FBXL2: variants seen among roughly 807,000 people sequenced by gnomAD.
The protein encoded by FBXL2 is F-box and leucine rich repeat protein 2, also known as F-box/LRR-repeat protein 2.
In FBXL2, 38 loss-of-function variants were observed where a neutral mutation model predicts 69.2. The ratio of observed to expected loss-of-function variants is 0.55; its 90% CI spans 0.42 to 0.72. FBXL2 has a LOEUF of 0.72. FBXL2 is among the 30% of genes least tolerant of loss of function. The probability of loss-of-function intolerance (pLI) is 0.00; values close to 1 mark genes in which losing one functional copy is unlikely to be tolerated. For synonymous variants in FBXL2, 192 were observed against 201.3 expected, an observed-to-expected ratio of 0.95 and a Z score of 0.39; for missense variants, 354 against 520.3, an observed-to-expected ratio of 0.68 and a Z score of 3.11.
chr3:33,396,257 A>G, intron 12 of FBXL2: 1 of 1,586,296 alleles, frequency 6.3e-7, no homozygotes, highest in Non-Finnish European at 8.6e-7. Context: ...GCAGACATAG[A>G]TGGTTAAACG....
chr3:33,397,835 C>T (rs2044067301), intron 12 of FBXL2: 1 of 151,992 alleles, frequency 6.6e-6, no homozygotes, highest in African/African-American at 2.4e-5. Context: ...GTGTTTGACA[C>T]TTTTAAAAAT....
chr3:33,355,968 T>A (rs2041172929), intron 2 of FBXL2, among the ~76,000 whole-genome samples: 1 of 152,202 alleles, frequency 6.6e-6, no homozygotes, highest in Non-Finnish European at 1.5e-5. Flanking sequence ...TCAACTACTT[T>A]CAGTTTAAAA....
the FBXL2 span, chr3:33,412,817 C>T: frequency 1.9e-6 from 3 of 1,612,456 alleles, no homozygotes; most frequent in South Asian, 3.3e-5. Flanking sequence ...GAATACAACC[C>T]TTATGATGCT....
chr3:33,388,231 C>T (rs2043593114), downstream of FBXL2: 1 of 152,338 alleles, frequency 6.6e-6, no homozygotes, highest in Non-Finnish European at 1.5e-5. Flanking sequence ...ATGAGCCTAA[C>T]CTCTTACTAC....
At chr3:33,321,334 G>GA (rs1164890057) in intron 2 of FBXL2, among the ~76,000 whole-genome samples, 7 of 148,122 alleles carry the variant, frequency 4.7e-5, no homozygotes, top group Admixed American at 6.7e-5. Flanking sequence ...AAAGAAAAAA[G>GA]AAAAAAAAGA....
downstream of FBXL2, among the ~76,000 whole-genome samples, chr3:33,406,071 T>C (rs1016320686): frequency 1.3e-5 from 2 of 152,196 alleles, no homozygotes; most frequent in African/African-American, 4.8e-5. Context: ...CATAGCAACT[T>C]TGCTATAAAT....
At chr3:33,375,053 TTTTAC>T (rs1400035632) in intron 9 of FBXL2, among the ~76,000 whole-genome samples, 4 of 152,176 alleles carry the variant, frequency 2.6e-5, no homozygotes, top group African/African-American at 4.8e-5. Flanking sequence ...TATTTAAAAT[TTTTAC>T]TTTATTTTTT....
At chr3:33,317,979 A>T (rs1283362285) in intron 2 of FBXL2, among the ~76,000 whole-genome samples, 1 of 152,090 alleles carries the variant, frequency 6.6e-6, no homozygotes, top group Non-Finnish European at 1.5e-5. Flanking sequence ...GAACCTTAGG[A>T]TTAGTTGATA....
At chr3:33,303,517 A>G (rs2036465215) in intron 2 of FBXL2, among the ~76,000 whole-genome samples, 1 of 152,142 alleles carries the variant, frequency 6.6e-6, no homozygotes, top group African/African-American at 2.4e-5. Context: ...ATGAAACATC[A>G]ATAGAGCTTT....
chr3:33,277,338 G>A, upstream of FBXL2: 1 of 493,346 alleles, frequency 2.0e-6, no homozygotes, highest in Non-Finnish European at 3.2e-6. Flanking sequence ...GGGGGCGAGG[G>A]GTGGGCGGTC....
At position 33,281,110 on chromosome 3, in the gene FBXL2, T is replaced by TA. The variant is rs2033950328; in HGVS notation, c.3+3596dup. 3.3e-5 allele frequency among the ~76,000 whole-genome samples: 5 copies of TA among 152,230 alleles called. No homozygotes were observed. In the South Asian group the frequency reaches 1.0e-3, roughly 31 times the overall value. ...ACATGTGCACAACGTGCAGGTTTGT[T>TA]ACGTATGTATACATGGGCCATGTTG... On this transcript the variant is annotated intron_variant, in intron 1 of 14. Transcript: ENST00000484457.
intron 1 of FBXL2, among the ~76,000 whole-genome samples, chr3:33,286,867 G>T (rs559206237): frequency 6.6e-6 from 1 of 152,282 alleles, no homozygotes; most frequent in Non-Finnish European, 1.5e-5. Context: ...CTGGTGTGCC[G>T]TTTGCTAAGA....
At chr3:33,312,395 C>T (rs1311159767) in intron 2 of FBXL2, among the ~76,000 whole-genome samples, 9 of 152,150 alleles carry the variant, frequency 5.9e-5, no homozygotes, top group African/African-American at 1.4e-4. Context: ...TGTAAATCTC[C>T]ATGTTTAGGG....
At chr3:33,322,962 A>G (rs532156039) in intron 2 of FBXL2, among the ~76,000 whole-genome samples, 2 of 152,258 alleles carry the variant, frequency 1.3e-5, no homozygotes, top group South Asian at 4.1e-4. Context: ...TGTCTTTAGC[A>G]ATAGGTGTCC....
At chr3:33,289,072 T>C (rs1008078548) in intron 1 of FBXL2, among the ~76,000 whole-genome samples, 21 of 152,124 alleles carry the variant, frequency 1.4e-4, no homozygotes, top group African/African-American at 5.1e-4. Flanking sequence ...AAAGCAGGAA[T>C]TGGACTTCAT....
intron 1 of FBXL2, among the ~76,000 whole-genome samples, chr3:33,295,867 A>G (rs76064184): frequency 0.019 from 2,878 of 152,274 alleles, 88 homozygotes; most frequent in African/African-American, 0.066. Flanking sequence ...CCATTTACAT[A>G]TCTTCTTTGC....
intron 5 of FBXL2, 197 bp from the exon 6 acceptor site, chr3:33,372,895 G>A: frequency 1.6e-6 from 1 of 618,768 alleles, no homozygotes; most frequent in Non-Finnish European, 2.9e-6. Flanking sequence ...TCACCTGGGA[G>A]TTTCTTTGAA....
At chr3:33,412,251 A>T in the FBXL2 span, among the ~76,000 whole-genome samples, 1 of 151,786 alleles carries the variant, frequency 6.6e-6, no homozygotes, top group Non-Finnish European at 1.5e-5. Context: ...ATAAAATTCC[A>T]GGTTCACATT....
At chr3:33,299,431 T>C (rs570719352) in intron 2 of FBXL2, among the ~76,000 whole-genome samples, 1 of 152,376 alleles carries the variant, frequency 6.6e-6, no homozygotes, top group South Asian at 2.1e-4. Flanking sequence ...CTGGCTGTAC[T>C]AAATCTCACT....
Sources: allele counts gnomAD v4.1 joint callset (sites outside exome capture counted in the v4.1 genomes callset), GRCh38; gene constraint gnomAD v4.1.1; transcripts MANE v1.5; gene names NCBI Gene and HGNC (gene_info 2026-07-23, HGNC 2026-07-21).